Variants in RUNX1 observed in about 807,000 individuals in gnomAD.
RUNX1 encodes RUNX family transcription factor 1.
In RUNX1, 19 loss-of-function variants were observed where a neutral mutation model predicts 42.8. That is an observed-to-expected ratio of 0.44 (90% confidence interval 0.31 to 0.65). The LOEUF (loss-of-function observed/expected upper bound fraction) is 0.65. Among genes scored for constraint, RUNX1 ranks in the 30% least tolerant of loss-of-function variants. The probability of loss-of-function intolerance (pLI) is 0.07; values close to 1 mark genes in which losing one functional copy is unlikely to be tolerated. For missense variants in RUNX1, 528 were observed against 672.0 expected, an observed-to-expected ratio of 0.79 and a Z score of 2.37; for synonymous variants, 271 against 289.4, an observed-to-expected ratio of 0.94 and a Z score of 0.64.
At position 34,791,077 on chromosome 21, in the gene RUNX1, C is replaced by T. The variant is rs1321787452; in HGVS notation, c.*1058G>A. On this transcript the variant is annotated 3_prime_UTR_variant, in exon 9 of 9. Coordinates refer to ENST00000675419, the MANE Select transcript of RUNX1 (RefSeq NM_001754.5). ...GAGCCTGGCAGAAAATTCCATACTT[C>T]TGATCCTTGGAGTGACCCTCAGTGT... 1.3e-5 allele frequency: 3 copies of T among 233,566 alleles called. No homozygotes were observed. The highest frequency in any genetic ancestry group is 2.5e-5 in the Non-Finnish European group (3 of 118,040). 14.5% of individuals were successfully genotyped at this position (233,566 alleles called of 1,614,324 possible).
At chr21:34,875,681 C>T (rs1171224645) in intron 5 of RUNX1, among the ~76,000 whole-genome samples, 1 of 152,136 alleles carries the variant, frequency 6.6e-6, no homozygotes, top group African/African-American at 2.4e-5. Flanking sequence ...TAGAGAAGGA[C>T]TGGGATCCTA....
chr21:34,967,829 C>G (rs943666064), intron 2 of RUNX1, among the ~76,000 whole-genome samples: 2 of 152,142 alleles, frequency 1.3e-5, no homozygotes, highest in Admixed American at 6.5e-5. Context: ...CAGCTTCCAT[C>G]GAAGGGAGTG....
chr21:34,805,300 A>T (rs2056664272), intron 7 of RUNX1, among the ~76,000 whole-genome samples: 1 of 152,244 alleles, frequency 6.6e-6, no homozygotes, highest in Non-Finnish European at 1.5e-5. Flanking sequence ...AGTGGAAGAA[A>T]TACTTGAAGT....
At chr21:34,949,517 T>C (rs1383388295) in intron 2 of RUNX1, among the ~76,000 whole-genome samples, 1 of 152,216 alleles carries the variant, frequency 6.6e-6, no homozygotes, top group Non-Finnish European at 1.5e-5. Context: ...GGCTGAGGAA[T>C]GGTTAAAGTG....
chr21:34,978,139 C>T (rs1215481105), intron 2 of RUNX1, among the ~76,000 whole-genome samples: 1 of 152,086 alleles, frequency 6.6e-6, no homozygotes, highest in Non-Finnish European at 1.5e-5. Flanking sequence ...GGGGTTTCAC[C>T]GTGTTAGCCA....
At chr21:35,019,349 T>C (rs2059181841) in intron 2 of RUNX1, among the ~76,000 whole-genome samples, 1 of 152,196 alleles carries the variant, frequency 6.6e-6, no homozygotes, top group African/African-American at 2.4e-5. Flanking sequence ...ATGGTATTAC[T>C]GCATGCCCTG....
At chr21:34,940,571 AAGG>A (rs2058519125) in intron 2 of RUNX1, among the ~76,000 whole-genome samples, 1 of 152,230 alleles carries the variant, frequency 6.6e-6, no homozygotes, top group Non-Finnish European at 1.5e-5. Context: ...ATGAATTAAA[AAGG>A]AGAATTTTCA....
chr21:35,006,016 G>C (rs1414677643), intron 2 of RUNX1, among the ~76,000 whole-genome samples: 1 of 152,210 alleles, frequency 6.6e-6, no homozygotes, highest in Non-Finnish European at 1.5e-5. Context: ...CAGGGTCTCT[G>C]ACAGTGAGTA....
intron 8 of RUNX1, among the ~76,000 whole-genome samples, chr21:34,793,154 G>GA (rs2056474066): frequency 6.6e-6 from 1 of 151,094 alleles, no homozygotes; most frequent in East Asian, 2.0e-4. Context: ...GCTGCCTAGG[G>GA]AGAGGGTTTC....
chr21:34,998,840 C>T (rs1421537217), intron 2 of RUNX1, among the ~76,000 whole-genome samples: 1 of 152,192 alleles, frequency 6.6e-6, no homozygotes, highest in African/African-American at 2.4e-5. Flanking sequence ...CGTGCCCGGC[C>T]TCTTTTTTCT....
chr21:34,799,141 C>T (rs1027332120), intron 8 of RUNX1, among the ~76,000 whole-genome samples, 160 bp downstream of exon 8: 2 of 152,198 alleles, frequency 1.3e-5, no homozygotes, highest in African/African-American at 4.8e-5. Context: ...CTTATGTATC[C>T]AAGAAAATCA....
intron 2 of RUNX1, among the ~76,000 whole-genome samples, chr21:34,930,798 A>T (rs1018076390): frequency 3.9e-5 from 6 of 152,162 alleles, no homozygotes; most frequent in Non-Finnish European, 5.9e-5. Context: ...AAGACAAGGA[A>T]GAAAACTGCA....
intron 2 of RUNX1, among the ~76,000 whole-genome samples, chr21:35,017,611 G>A (rs1257110095): frequency 1.3e-5 from 2 of 152,152 alleles, no homozygotes; most frequent in African/African-American, 4.8e-5. Context: ...TGGGCCAGAA[G>A]GTGCTGATCT....
chr21:34,884,947 T>C (rs2057959255), intron 4 of RUNX1, among the ~76,000 whole-genome samples: 1 of 152,238 alleles, frequency 6.6e-6, no homozygotes, highest in African/African-American at 2.4e-5. Context: ...GGAAACTCTA[T>C]GGTTATTATG....
intron 6 of RUNX1, among the ~76,000 whole-genome samples, chr21:34,851,503 G>A (rs961586046): frequency 6.6e-6 from 1 of 152,196 alleles, no homozygotes; most frequent in African/African-American, 2.4e-5. Context: ...TGGCACCAGT[G>A]TGAAAACCCA....
chr21:34,912,296 C>T (rs1254199036), intron 2 of RUNX1, among the ~76,000 whole-genome samples: 3 of 150,960 alleles, frequency 2.0e-5, no homozygotes, highest in Non-Finnish European at 4.4e-5. Flanking sequence ...TTGCTACTTA[C>T]TCTTCTATCA....
intron 2 of RUNX1, among the ~76,000 whole-genome samples, chr21:35,034,301 T>G (rs1174754458): frequency 2.0e-5 from 3 of 152,262 alleles, no homozygotes; most frequent in Non-Finnish European, 4.4e-5. Context: ...TTCTCTGCTC[T>G]TCACGTCGGG....
chr21:34,861,512 G>A (rs941117080), intron 5 of RUNX1, among the ~76,000 whole-genome samples: 1 of 152,136 alleles, frequency 6.6e-6, no homozygotes. Context: ...AACCCATGAA[G>A]GTTATCACCT....
At chr21:35,022,211 G>A (rs2059203561) in intron 2 of RUNX1, among the ~76,000 whole-genome samples, 1 of 152,194 alleles carries the variant, frequency 6.6e-6, no homozygotes, top group Admixed American at 6.5e-5. Context: ...AAGGAATGTG[G>A]CTTACCTTTG....
Sources: allele counts gnomAD v4.1 joint callset (sites outside exome capture counted in the v4.1 genomes callset), GRCh38; gene constraint gnomAD v4.1.1; transcripts MANE v1.5; gene names NCBI Gene and HGNC (gene_info 2026-07-23, HGNC 2026-07-21).